NAA25: variants seen among roughly 807,000 people sequenced by gnomAD.
NAA25 encodes N-terminal acetyltransferase B complex subunit NAA25.
A neutral mutation model predicts 132.5 loss-of-function variants in NAA25; 30 were observed. That is an observed-to-expected ratio of 0.23 (90% CI 0.17 to 0.31). The LOEUF (loss-of-function observed/expected upper bound fraction) is 0.31, where lower values mean the gene tolerates loss of function less well. Among genes scored for constraint, NAA25 ranks in the 10% least tolerant of loss-of-function variants. The pLI, the probability that NAA25 is intolerant of heterozygous loss-of-function variation, is 1.00. For synonymous variants in NAA25, 359 were observed against 401.9 expected, an observed-to-expected ratio of 0.89 and a Z score of 1.28; for missense variants, 771 against 1,150.4, an observed-to-expected ratio of 0.67 and a Z score of 4.77.
At chr12:112,079,126 C>T (rs1051642798) in intron 5 of NAA25, among the ~76,000 whole-genome samples, 1 of 152,084 alleles carries the variant, frequency 6.6e-6, no homozygotes, top group Non-Finnish European at 1.5e-5. Flanking sequence ...AAGAGAAATG[C>T]CAATTCCTTT....
chr12:112,082,137 G>A lies in NAA25; in HGVS notation c.403-1003C>T, dbSNP rs946398178. ...GTGGCAGCAGGGACCTGTAATCCAA[G>A]CTACTTGGGAGGCTAAGACAGAATC... On this transcript the variant is annotated intron_variant, in intron 4 of 23. Coordinates refer to ENST00000261745, the MANE Select transcript of NAA25 (RefSeq NM_024953.4). Among the ~76,000 whole-genome samples the A allele has an allele frequency of 2.6e-5, 4 of 152,250 alleles. No homozygotes were observed. In the South Asian group the frequency reaches 8.3e-4, roughly 32 times the overall value.
At chr12:112,054,683 G>T in intron 13 of NAA25, 115 bp from the exon 14 acceptor site, 1 of 990,540 alleles carries the variant, frequency 1.0e-6, no homozygotes, top group Non-Finnish European at 1.5e-6. Context: ...GAAGTTAAAT[G>T]ACAGAGAACA....
In NAA25 at chr12:112,060,355, T is replaced by C. The variant is rs1566011518; in HGVS notation, c.1362A>G (p.Lys454=). Residue 454 remains lysine (K), a synonymous_variant, in exon 13 of 24, where the codon AAA becomes AAG. Transcript: ENST00000261745. ...LRYQHGLEFG[K]TCLKTELQFS... Reference sequence around the variant, plus strand: ...ATTGCAATTCTGTTTTCAAACAGGTTTTCCCTATGGGGGAAAAAAATCATA... The same window carrying C: ...ATTGCAATTCTGTTTTCAAACAGGTCTTCCCTATGGGGGAAAAAAATCATA... 1 of 1,606,972 alleles carries C rather than the reference T, an allele frequency of 6.2e-7. No individual in the cohort carries two copies. Among genetic ancestry groups the C allele is most frequent in the Non-Finnish European group, 8.5e-7 (1 of 1,173,708 alleles).
intron 1 of NAA25, among the ~76,000 whole-genome samples, chr12:112,107,627 A>G (rs1218400703): frequency 3.3e-5 from 5 of 152,128 alleles, no homozygotes; most frequent in African/African-American, 1.2e-4. Context: ...GGCCAGAAAC[A>G]AAGTTAACCA....
chr12:112,038,128 C>T (rs796953157), intron 22 of NAA25, among the ~76,000 whole-genome samples: 1 of 152,288 alleles, frequency 6.6e-6, no homozygotes, highest in African/African-American at 2.4e-5. Context: ...ATTCTCATAC[C>T]TCAGTCTCCC....
intron 1 of NAA25, among the ~76,000 whole-genome samples, chr12:112,097,998 G>A (rs2079239225): frequency 6.6e-6 from 1 of 151,420 alleles, no homozygotes; most frequent in Admixed American, 6.6e-5. Flanking sequence ...GCGCACGCCT[G>A]TAATCCCAGC....
At chr12:112,101,025 CA>C (rs1449093757) in intron 1 of NAA25, among the ~76,000 whole-genome samples, 4 of 152,108 alleles carry the variant, frequency 2.6e-5, no homozygotes, top group Non-Finnish European at 4.4e-5. Context: ...TTCTTCATTC[CA>C]ACTGCACAAG....
Position 112,067,186 on chromosome 12 carries a change from G to A in NAA25, c.1149+1694C>T, listed in dbSNP as rs148733427. On this transcript the variant is annotated intron_variant, in intron 11 of 23. Coordinates refer to ENST00000261745, the MANE Select transcript of NAA25 (RefSeq NM_024953.4). ...CACACTCCAGCCTGGGCGACAGAGCGAGAGCAAGACTCCGTCTCAAAAAAA... is the reference window on the plus strand; with the variant it reads ...CACACTCCAGCCTGGGCGACAGAGCAAGAGCAAGACTCCGTCTCAAAAAAA... Among the ~76,000 whole-genome samples the A allele has an allele frequency of 2.3e-3, 352 of 152,004 alleles. 1 individual carries two copies. Among genetic ancestry groups the A allele is most frequent in the African/African-American group, 7.8e-3 (324 of 41,474 alleles).
chr12:112,098,119 C>CAAAAAAA (rs60232542), intron 1 of NAA25, among the ~76,000 whole-genome samples: 4 of 54,162 alleles, frequency 7.4e-5, no homozygotes, highest in South Asian at 1.8e-3. Flanking sequence ...GACTCCATCT[C>CAAAAAAA]AAAAAAAAAA....
chr12:112,036,953 T>C (rs1201980092), intron 22 of NAA25, among the ~76,000 whole-genome samples: 1 of 151,662 alleles, frequency 6.6e-6, no homozygotes, highest in East Asian at 1.9e-4. Context: ...CTAGAAGCAG[T>C]GAACCCCAAT....
rs979388165 is a variant in NAA25 at position 112,049,611 on chromosome 12, T to C, written c.1729-1168A>G. ...CTCGGCGAGCTGTTTGCCTGCAGTA[T>C]CTGGAGAAATTAAAGACGGACGGAC... On this transcript the variant is annotated intron_variant, in intron 15 of 23. Transcript: ENST00000261745. This position sits in a 1 kb window ranked among gnomAD's most constrained non-coding sequence, Gnocchi z 4.7. 1.0e-6 allele frequency: 1 copy of C among 985,602 alleles called. No individual in the cohort carries two copies. Among genetic ancestry groups the C allele is most frequent in the Non-Finnish European group, 1.2e-6 (1 of 829,940 alleles). 61.1% of individuals were successfully genotyped at this position (985,602 alleles called of 1,614,324 possible).
In NAA25 at chr12:112,046,271, G is replaced by T. The variant is rs533045458; in HGVS notation, c.2006+1394C>A. 2.6e-5 allele frequency among the ~76,000 whole-genome samples: 4 copies of T among 152,318 alleles called. No individual in the cohort carries two copies. In the South Asian group the frequency reaches 8.3e-4, roughly 32 times the overall value. ...GCAGGAACATTCCACCTGTGTTACT[G>T]CATTTTTCCCTGCTGGAGAAAGGAG... On this transcript the variant is annotated intron_variant, in intron 17 of 23. Transcript: ENST00000261745.
In NAA25 at chr12:112,078,650, A is replaced by G; in HGVS notation, c.569T>C (p.Ile190Thr). ...MVEKMVKEDK[I>T]EAEAEVELYY... ...AATACTCACTTCAGCCTCAGCTTCT[A>G]TCTTGTCCTCTTTCACCATTTTTTC... Residue 190 changes from isoleucine (I) to threonine (T), a missense_variant, in exon 6 of 24, where the codon ATA becomes ACA. This residue lies in a region of NAA25 where 417 missense variants were observed against 733.8 expected (regional missense o/e 0.57). Coordinates refer to ENST00000261745, the MANE Select transcript of NAA25 (RefSeq NM_024953.4). 1 of 1,613,920 alleles carries G rather than the reference A, an allele frequency of 6.2e-7. No homozygotes were observed. The highest frequency in any genetic ancestry group is 8.5e-7 in the Non-Finnish European group (1 of 1,179,844).
At chr12:112,081,552 T>C (rs984284687) in intron 4 of NAA25, among the ~76,000 whole-genome samples, 1 of 152,214 alleles carries the variant, frequency 6.6e-6, no homozygotes, top group Admixed American at 6.5e-5. Context: ...AAGATTACCA[T>C]GCCATAATTC....
intron 7 of NAA25, among the ~76,000 whole-genome samples, chr12:112,077,958 A>C (rs997380684): frequency 6.6e-6 from 1 of 152,084 alleles, no homozygotes; most frequent in African/African-American, 2.4e-5. Flanking sequence ...AGACGGCTAG[A>C]GATCTGGAGT....
In NAA25 at chr12:112,049,506, G is replaced by T; in HGVS notation, c.1729-1063C>A. ...ACCCTCTGATATACAGCCTTGCAGGGTTCATTTCAGGCCGCGGGATTGCGC... is the reference window on the plus strand; with the variant it reads ...ACCCTCTGATATACAGCCTTGCAGGTTTCATTTCAGGCCGCGGGATTGCGC... On this transcript the variant is annotated intron_variant, in intron 15 of 23. Coordinates refer to ENST00000261745, the MANE Select transcript of NAA25 (RefSeq NM_024953.4). The surrounding 1 kb of genome is among the most constrained non-coding windows in gnomAD (Gnocchi z 4.7). 2 of 985,872 alleles carry T rather than the reference G, an allele frequency of 2.0e-6. No individual in the cohort carries two copies. The highest frequency in any genetic ancestry group is 2.4e-6 in the Non-Finnish European group (2 of 829,954). The allele number at this position is 985,872 out of a possible 1,614,324, so 61.1% of individuals were successfully genotyped here. A position where few individuals can be genotyped will look rare whatever the true frequency, so the allele number is the denominator to read the frequency against.
Position 112,049,553 on chromosome 12 carries a change from A to C in NAA25, c.1729-1110T>G. 1 of 985,896 alleles carries C rather than the reference A, an allele frequency of 1.0e-6. No individual in the cohort carries two copies. Among genetic ancestry groups the C allele is most frequent in the Admixed American group, 6.1e-5 (1 of 16,288 alleles). The allele number at this position is 985,896 out of a possible 1,614,324, so 61.1% of individuals were successfully genotyped here. A position where few individuals can be genotyped will look rare whatever the true frequency, so the allele number is the denominator to read the frequency against. ...GCGCCACGGGCGCTAATTCAACTGCATTCGATGCGGCTTTTAAACCCCCAT... is the reference window on the plus strand; with the variant it reads ...GCGCCACGGGCGCTAATTCAACTGCCTTCGATGCGGCTTTTAAACCCCCAT... On this transcript the variant is annotated intron_variant, in intron 15 of 23. Transcript: ENST00000261745. The surrounding 1 kb of genome is among the most constrained non-coding windows in gnomAD (Gnocchi z 4.7).
Position 112,060,280 on chromosome 12 carries a change from C to G in NAA25, c.1437G>C (p.Trp479Cys). Reference sequence around the variant, plus strand: ...ATCACTGCTACTTACCTGTTTCCCTCCATACATCAATAAGCGCATGGACAG... The same window carrying G: ...ATCACTGCTACTTACCTGTTTCCCTGCATACATCAATAAGCGCATGGACAG... ...LLAVHALIDVWRETGDETTVW... is the reference protein window; with the variant it reads ...LLAVHALIDVCRETGDETTVW... Residue 479 changes from tryptophan to cysteine, a missense_variant, in exon 13 of 24, where the codon TGG (tryptophan) becomes TGC (cysteine). Around this residue, in one of 3 missense-constraint regions of NAA25, gnomAD observed 417 missense variants for 733.8 expected, o/e 0.57. Coordinates refer to ENST00000261745, the MANE Select transcript of NAA25 (RefSeq NM_024953.4). 1 of 1,610,882 alleles carries G rather than the reference C, an allele frequency of 6.2e-7. No individual in the cohort carries two copies. Among genetic ancestry groups the G allele is most frequent in the Non-Finnish European group, 8.5e-7 (1 of 1,177,862 alleles).
chr12:112,105,606 T>G (rs868124284), intron 1 of NAA25, among the ~76,000 whole-genome samples: 1 of 152,204 alleles, frequency 6.6e-6, no homozygotes, highest in Non-Finnish European at 1.5e-5. Context: ...CACATAGCCC[T>G]GTCCACATAT....
Sources: gnomAD v4.1 joint callset for allele counts (sites outside exome capture counted in the v4.1 genomes callset) on GRCh38, gnomAD v4.1.1 for gene constraint, gnomAD v4.1.1 regional missense constraint, Gnocchi (gnomAD v3.1) non-coding constraint, MANE v1.5 for transcripts, NCBI Gene and HGNC (gene_info 2026-07-23, HGNC 2026-07-21) for gene names.